SETD2: variants seen among roughly 807,000 people sequenced by gnomAD.
The protein encoded by SETD2 is histone-lysine N-methyltransferase SETD2.
A neutral mutation model predicts 242.1 loss-of-function variants in SETD2; 31 were observed. That is an observed-to-expected ratio of 0.13 (90% CI 0.10 to 0.17). The LOEUF (loss-of-function observed/expected upper bound fraction) is 0.17. SETD2 is among the 10% of genes least tolerant of loss of function. The pLI, the probability that SETD2 is intolerant of heterozygous loss-of-function variation, is 1.00. For missense variants in SETD2, 2,481 were observed against 3,046.3 expected (o/e 0.81, Z 4.37); for synonymous variants, 1,006 against 1,066.5 (o/e 0.94, Z 1.11).
chr3:47,083,046 G>A (rs2041384223), intron 12 of SETD2, among the ~76,000 whole-genome samples: 2 of 152,154 alleles, frequency 1.3e-5, no homozygotes, highest in Admixed American at 6.5e-5. Flanking sequence ...ACCTCTCCTA[G>A]GTTTATCCTG....
chr3:47,063,117 T>C (rs1469847027), intron 13 of SETD2, among the ~76,000 whole-genome samples: 1 of 152,172 alleles, frequency 6.6e-6, no homozygotes, highest in African/African-American at 2.4e-5. Context: ...TGCCCCTCCT[T>C]ATAGGCTGGT....
chr3:47,053,287 A>G (rs1194563178), intron 15 of SETD2, among the ~76,000 whole-genome samples: 1 of 152,224 alleles, frequency 6.6e-6, no homozygotes, highest in Non-Finnish European at 1.5e-5. Context: ...CTCTAGAATA[A>G]TAAAAAATCA....
intron 6 of SETD2, 24 bp downstream of exon 6, chr3:47,105,973 G>C (rs777794974): frequency 1.2e-6 from 2 of 1,607,606 alleles, no homozygotes; most frequent in Non-Finnish European, 8.5e-7. Context: ...TCTGTTTCAA[G>C]GCAAACATAT....
intron 9 of SETD2, among the ~76,000 whole-genome samples, chr3:47,091,848 G>C (rs916305563): frequency 3.3e-5 from 5 of 152,120 alleles, no homozygotes; most frequent in Admixed American, 6.6e-5. Context: ...TGATGGCTGA[G>C]GCAGGAGAAT....
In SETD2 at chr3:47,057,290, G is replaced by C. The variant is rs1433904494; in HGVS notation, c.6494C>G (p.Ala2165Gly). 1 of 1,614,208 alleles carries C rather than the reference G, an allele frequency of 6.2e-7. No individual in the cohort carries two copies. Among genetic ancestry groups the C allele is most frequent in the South Asian group, 1.1e-5 (1 of 91,082 alleles). Residue 2165 changes from alanine to glycine, a missense_variant, in exon 15 of 21, where the codon GCT becomes GGT. Physicochemically the swap from Ala to Gly is moderately conservative, Grantham distance 60. This residue lies in a region of SETD2 where 45 missense variants were observed against 62.8 expected (regional missense o/e 0.72). Transcript: ENST00000409792. ...LGYNAPHHPF[A>G]GYPPGYPMQA... ...CATGGGATAACCTGGTGGGTAACCAGCAAAGGGATGATGCGGGGCATTATA... is the reference window on the plus strand; with the variant it reads ...CATGGGATAACCTGGTGGGTAACCACCAAAGGGATGATGCGGGGCATTATA...
At chr3:47,019,732 C>G in intron 19 of SETD2, 28 bp downstream of exon 19, 1 of 1,575,714 alleles carries the variant, frequency 6.3e-7, no homozygotes, top group Non-Finnish European at 8.7e-7. Flanking sequence ...GCCTGAGGAG[C>G]TTAGTGCTTA....
chr3:47,073,712 T>C (rs1182387581), intron 12 of SETD2, among the ~76,000 whole-genome samples: 1 of 152,136 alleles, frequency 6.6e-6, no homozygotes, highest in African/African-American at 2.4e-5. Flanking sequence ...TGAACAAAGT[T>C]CTTAAAGTAG....
chr3:47,142,894 C>T (rs1271705952), intron 1 of SETD2, among the ~76,000 whole-genome samples: 5 of 152,166 alleles, frequency 3.3e-5, no homozygotes, highest in Non-Finnish European at 7.4e-5. Context: ...GTCTTGAACT[C>T]CTGACCTCAG....
intron 6 of SETD2, among the ~76,000 whole-genome samples, chr3:47,103,692 T>G (rs2042300403): frequency 6.6e-6 from 1 of 152,016 alleles, no homozygotes; most frequent in Admixed American, 6.6e-5. Flanking sequence ...TTACACATTT[T>G]ACAAAGGAAA....
At chr3:47,108,036 T>C (rs1050445760) in intron 5 of SETD2, among the ~76,000 whole-genome samples, 24 of 152,036 alleles carry the variant, frequency 1.6e-4, no homozygotes, top group African/African-American at 5.1e-4. Context: ...TCCAGCACTT[T>C]GGGAGGCCGA....
Position 47,017,743 on chromosome 3 carries a change from C to T in SETD2, c.7432-4G>A, listed in dbSNP as rs1173846557. The T allele has an allele frequency of 6.2e-7, 1 of 1,608,358 alleles. No homozygotes were observed. Among genetic ancestry groups the T allele is most frequent in the East Asian group, 2.2e-5 (1 of 44,866 alleles). ...ACTGGACGATGAACTGGGACATCTG[C>T]AGGCAGAGAAAAGAGAACACGTTGC... On this transcript the variant is annotated splice_region_variant and splice_polypyrimidine_tract_variant and intron_variant, in intron 19 of 20. Transcript: ENST00000409792. This position sits in a 1 kb window ranked among gnomAD's most constrained non-coding sequence, Gnocchi z 4.8.
intron 5 of SETD2, among the ~76,000 whole-genome samples, chr3:47,110,285 C>G (rs2042599754): frequency 6.6e-6 from 1 of 152,148 alleles, no homozygotes; most frequent in Admixed American, 6.5e-5. Flanking sequence ...TGAGAAGATT[C>G]TGCTTAACAG....
At position 47,121,259 on chromosome 3, in the gene SETD2, G is replaced by T. The variant is rs774939342; in HGVS notation, c.3377C>A (p.Pro1126His). Reference protein sequence around the residue: ...KFESIASKACPQTDKFFLHKG... With the variant: ...KFESIASKACHQTDKFFLHKG... ...ATGAAGGAAAAACTTATCAGTTTGA[G>T]GACAGGCTTTACTTGCTATACTTTC... Residue 1126 changes from proline to histidine, a missense_variant, in exon 3 of 21, where the codon CCT becomes CAT. Transcript: ENST00000409792. The T allele has an allele frequency of 6.2e-7, 1 of 1,613,974 alleles. No individual in the cohort carries two copies. Among genetic ancestry groups the T allele is most frequent in the Admixed American group, 1.7e-5 (1 of 59,996 alleles).
chr3:47,070,887 A>T (rs1473016401), intron 12 of SETD2, among the ~76,000 whole-genome samples: 1 of 152,170 alleles, frequency 6.6e-6, no homozygotes, highest in Admixed American at 6.6e-5. Context: ...GGATGTTCTA[A>T]GATTTAATAT....
At chr3:47,105,629 T>A (rs1355333431) in intron 6 of SETD2, 1 of 435,990 alleles carries the variant, frequency 2.3e-6, no homozygotes, top group South Asian at 1.6e-5. Context: ...GCTTAATATA[T>A]TTTAGAAATC....
intron 18 of SETD2, among the ~76,000 whole-genome samples, chr3:47,036,782 G>A: frequency 6.6e-6 from 1 of 151,394 alleles, no homozygotes; most frequent in East Asian, 1.9e-4. Flanking sequence ...CACATCTGTA[G>A]TCCCAGCTAC....
In SETD2 at chr3:47,103,336, C is replaced by T. The variant is rs2042287872; in HGVS notation, c.4917+10G>A. On this transcript the variant is annotated intron_variant, in intron 7 of 20. Transcript: ENST00000409792. ...CAAATACCTCAAACTCTAAATCCAC[C>T]TCAACTTACTTTTTGGGTTTCACAA... is the stretch of plus-strand genomic sequence containing the variant. 2 of 1,592,698 alleles carry T rather than the reference C, an allele frequency of 1.3e-6. No homozygotes were observed. Among genetic ancestry groups the T allele is most frequent in the Non-Finnish European group, 1.7e-6 (2 of 1,160,682 alleles).
chr3:47,112,880 A>G (rs887631197), intron 5 of SETD2, among the ~76,000 whole-genome samples: 2 of 152,122 alleles, frequency 1.3e-5, no homozygotes, highest in Admixed American at 6.5e-5. Flanking sequence ...ATGAGTCACC[A>G]TGCCCGGCCA....
At chr3:47,131,051 T>C (rs2043463429) in intron 1 of SETD2, among the ~76,000 whole-genome samples, 1 of 152,190 alleles carries the variant, frequency 6.6e-6, no homozygotes, top group Non-Finnish European at 1.5e-5. Flanking sequence ...GGAAGCCCTA[T>C]AAATGAGAGC....
Sources: allele counts gnomAD v4.1 joint callset (sites outside exome capture counted in the v4.1 genomes callset), GRCh38; gene constraint gnomAD v4.1.1; regional missense constraint gnomAD v4.1.1; non-coding constraint Gnocchi (gnomAD v3.1); transcripts MANE v1.5; gene names NCBI Gene and HGNC (gene_info 2026-07-23, HGNC 2026-07-21).